Variants in HEATR9 observed in about 807,000 individuals in gnomAD.
HEATR9 encodes protein HEATR9.
A neutral mutation model predicts 68.2 loss-of-function variants in HEATR9; 54 were observed. The ratio of observed to expected loss-of-function variants is 0.79; its 90% CI spans 0.64 to 0.99. The LOEUF is 0.99. Among genes scored for constraint, HEATR9 ranks in the 50% least tolerant of loss-of-function variants. The probability of loss-of-function intolerance (pLI) is 0.00; values close to 1 mark genes in which losing one functional copy is unlikely to be tolerated. For missense variants in HEATR9, 662 were observed against 679.7 expected (o/e 0.97, Z 0.29); for synonymous variants, 241 against 253.5 (o/e 0.95, Z 0.47).
chr17:35,865,770 G>A (rs1161736801), intron 2 of HEATR9, among the ~76,000 whole-genome samples: 3 of 152,152 alleles, frequency 2.0e-5, no homozygotes, highest in Admixed American at 6.5e-5. Flanking sequence ...CACTTGAGTA[G>A]GGAAATGAAA....
rs540507285 is a variant in HEATR9 at position 35,863,911 on chromosome 17, C to T, written c.567+335G>A. The T allele has an allele frequency of 8.4e-5, 45 of 533,502 alleles. No homozygotes were observed. In the South Asian group the frequency reaches 1.1e-3, roughly 13 times the overall value. The allele number at this position is 533,502 out of a possible 1,614,324, so 33.0% of individuals were successfully genotyped here. On this transcript the variant is annotated intron_variant, in intron 6 of 14. Transcript: ENST00000604834. ...ATTATGGATATAAAGAATGCATGTT[C>T]CCAGTGGTAAGCTGATGTATACATA...
chr17:35,867,879 C>G (rs1386922598), intron 1 of HEATR9, among the ~76,000 whole-genome samples: 1 of 152,102 alleles, frequency 6.6e-6, no homozygotes, highest in African/African-American at 2.4e-5. Context: ...CTCCTAGGTT[C>G]AAGTGGTTCT....
intron 11 of HEATR9, among the ~76,000 whole-genome samples, chr17:35,857,069 A>G (rs919206483): frequency 6.6e-6 from 1 of 152,036 alleles, no homozygotes; most frequent in African/African-American, 2.4e-5. Context: ...TGAAACTTGG[A>G]AGGTGAGTGG....
intron 8 of HEATR9, 129 bp downstream of exon 8, chr17:35,862,866 T>C (rs775359037): frequency 1.8e-5 from 24 of 1,338,030 alleles, no homozygotes; most frequent in Middle Eastern, 3.8e-4. Flanking sequence ...CCGAGGGAAC[T>C]CCTCAAGGAC....
At chr17:35,855,539 G>T in intron 14 of HEATR9, 125 bp downstream of exon 14, 1 of 1,298,700 alleles carries the variant, frequency 7.7e-7, no homozygotes, top group East Asian at 2.3e-5. Context: ...ACAAGGTCAA[G>T]GGACAGTGTC....
chr17:35,864,495 A>T lies in HEATR9; in HGVS notation c.510+2T>A, dbSNP rs1263222154. ...CCCTCCTCTATCCTTGCCTCTTCTCACCTGTGCTGCATAGAACTGCTCATC... is the reference window on the plus strand; with the variant it reads ...CCCTCCTCTATCCTTGCCTCTTCTCTCCTGTGCTGCATAGAACTGCTCATC... On this transcript the variant is annotated splice_donor_variant, in intron 5 of 14. Transcript: ENST00000604834. LOFTEE classifies it high-confidence loss of function. The T allele has an allele frequency of 6.2e-7, 1 of 1,613,796 alleles. No individual in the cohort carries two copies. The highest frequency in any genetic ancestry group is 2.2e-5 in the East Asian group (1 of 44,890).
At position 35,858,442 on chromosome 17, in the gene HEATR9, A is replaced by C. The variant is rs760702659; in HGVS notation, c.1023T>G (p.Ser341Arg). 7 of 1,614,060 alleles carry C rather than the reference A, an allele frequency of 4.3e-6. No individual in the cohort carries two copies. Among genetic ancestry groups the C allele is most frequent in the Non-Finnish European group, 5.9e-6 (7 of 1,180,022 alleles). ...KAILDQLCSSSVLEDRFEATQ... is the reference protein window; with the variant it reads ...KAILDQLCSSRVLEDRFEATQ... ...GCAGTCCAGAGCTTACCTCAAGGAC[A>C]CTGGAAGAACACAGCTGGTCTAGGA... The change falls in exon 10 of 15, where the codon AGT (serine) becomes AGG (arginine). Residue 341 changes from serine (S) to arginine (R), a missense_variant. Physicochemically the swap from Ser to Arg is moderately radical, Grantham distance 110 (BLOSUM62 -1). Coordinates refer to ENST00000604834, the MANE Select transcript of HEATR9 (RefSeq NM_152781.4).
intron 8 of HEATR9, chr17:35,861,397 T>G (rs1428639882): frequency 3.1e-6 from 5 of 1,608,570 alleles, no homozygotes; most frequent in Non-Finnish European, 4.2e-6. Context: ...ACCAGCTGCT[T>G]TCCGGAATGC....
At chr17:35,865,097 C>T in intron 3 of HEATR9, 118 bp downstream of exon 3, 2 of 1,349,262 alleles carry the variant, frequency 1.5e-6, no homozygotes, top group South Asian at 2.7e-5. Context: ...GCCCTAAGCT[C>T]CTCTCTGGGA....
In HEATR9 at chr17:35,861,266, G is replaced by A. The variant is rs1033891012; in HGVS notation, c.756+1729C>T. ...GTTATAAATTTAGCTTGACGTTTCT[G>A]TTTGATCTCTTCAACTCTCTTCATT... On this transcript the variant is annotated intron_variant, in intron 8 of 14. Coordinates refer to ENST00000604834, the MANE Select transcript of HEATR9 (RefSeq NM_152781.4). 1.6e-5 allele frequency: 23 copies of A among 1,468,340 alleles called. No homozygotes were observed. The African/African-American group carries it at 2.6e-4, about 17-fold the overall frequency. The allele number at this position is 1,468,340 out of a possible 1,614,324, so 91.0% of individuals were successfully genotyped here. A position where few individuals can be genotyped will look rare whatever the true frequency, so the allele number is the denominator to read the frequency against.
Position 35,856,763 on chromosome 17 carries a change from A to G in HEATR9, c.1195T>C (p.Leu399=). 2 of 1,606,602 alleles carry G rather than the reference A, an allele frequency of 1.2e-6. No individual in the cohort carries two copies. Among genetic ancestry groups the G allele is most frequent in the Non-Finnish European group, 1.7e-6 (2 of 1,176,544 alleles). ...AVAQTVEELK[L]KPTMMNLVEA... ...ACCAAGTTCATCATCGTAGGCTTCA[A>G]CTTGAGCTCTTCCACAGTTTGAGCC... is the stretch of plus-strand genomic sequence containing the variant. Residue 399 remains leucine (L), a synonymous_variant, in exon 12 of 15, where the codon TTG becomes CTG. Coordinates refer to ENST00000604834, the MANE Select transcript of HEATR9 (RefSeq NM_152781.4).
Position 35,868,877 on chromosome 17 carries a change from T to A in HEATR9, c.-135A>T. On this transcript the variant is annotated 5_prime_UTR_variant, in exon 1 of 15. Coordinates refer to ENST00000604834, the MANE Select transcript of HEATR9 (RefSeq NM_152781.4). ...GGGGAGGTGTCTGGACTTCTGGAGG[T>A]AGAAGCTTCCAAGTGCTAAGCGACC... is the stretch of plus-strand genomic sequence containing the variant. The A allele has an allele frequency of 4.2e-6, 3 of 710,752 alleles. No homozygotes were observed. The highest frequency in any genetic ancestry group is 2.7e-5 in the Admixed American group (1 of 37,020). The allele number at this position is 710,752 out of a possible 1,614,324, so 44.0% of individuals were successfully genotyped here.
chr17:35,856,457 A>C, intron 12 of HEATR9: 1 of 1,219,350 alleles, frequency 8.2e-7, no homozygotes, highest in South Asian at 1.3e-5. Context: ...TTATCTTTTT[A>C]AAAAAAGTTC....
chr17:35,858,171 C>G (rs1324300637), intron 11 of HEATR9, 29 bp downstream of exon 11: 2 of 1,613,882 alleles, frequency 1.2e-6, no homozygotes, highest in Admixed American at 3.3e-5. Flanking sequence ...TTGGGTGTCT[C>G]TGGGCTTGGG....
intron 2 of HEATR9, among the ~76,000 whole-genome samples, chr17:35,865,725 GGTTA>G (rs2088176792): frequency 6.6e-6 from 1 of 152,168 alleles, no homozygotes; most frequent in Non-Finnish European, 1.5e-5. Flanking sequence ...TACATAGTTT[GGTTA>G]GTTGAGGATC....
In HEATR9 at chr17:35,864,456, CCT is replaced by C. The variant is rs761221303; in HGVS notation, c.510+39_510+40del. The C allele has an allele frequency of 1.3e-5, 21 of 1,606,484 alleles. No homozygotes were observed. The Admixed American group carries it at 3.4e-4, about 26-fold the overall frequency. On this transcript the variant is annotated intron_variant, in intron 5 of 14. Coordinates refer to ENST00000604834, the MANE Select transcript of HEATR9 (RefSeq NM_152781.4). ...TTTTTACTTTCCAGCTTGGCCAACT[CCT>C]GGCTGTAACCACCCTCCTCTATCCT... is the stretch of plus-strand genomic sequence containing the variant.
At chr17:35,861,153 A>G (rs1157611565) in intron 8 of HEATR9, 12 of 1,561,934 alleles carry the variant, frequency 7.7e-6, no homozygotes, top group Middle Eastern at 1.8e-4. Flanking sequence ...CTTTGCCTGC[A>G]AGAGGGGCTC....
chr17:35,868,040 C>T (rs2143991118), intron 1 of HEATR9, among the ~76,000 whole-genome samples: 1 of 152,308 alleles, frequency 6.6e-6, no homozygotes, highest in East Asian at 1.9e-4. Flanking sequence ...TTTGGCCTCC[C>T]AAAGTGCTGG....
chr17:35,861,558 G>T, intron 8 of HEATR9: 1 of 780,920 alleles, frequency 1.3e-6, no homozygotes, highest in Non-Finnish European at 2.3e-6. Flanking sequence ...AACACTTCTT[G>T]ATACGCATGT....
Sources: allele counts gnomAD v4.1 joint callset (sites outside exome capture counted in the v4.1 genomes callset), GRCh38; gene constraint gnomAD v4.1.1; transcripts MANE v1.5; gene names NCBI Gene and HGNC (gene_info 2026-07-23, HGNC 2026-07-21).